KANK1: variants seen among roughly 807,000 people sequenced by gnomAD.
The protein encoded by KANK1 is KN motif and ankyrin repeat domains 1.
A neutral mutation model predicts 106.2 loss-of-function variants in KANK1; 109 were observed. That is an observed-to-expected ratio of 1.03 (90% CI 0.88 to 1.20). The LOEUF (loss-of-function observed/expected upper bound fraction) is 1.20, where lower values mean the gene tolerates loss of function less well. KANK1 is among the 50% of genes most tolerant of loss of function. KANK1 has a pLI of 0.00. For missense variants in KANK1, 2,399 were observed against 1,710.7 expected (o/e 1.40, Z -7.10); for synonymous variants, 873 against 652.2 (o/e 1.34, Z -5.16).
chr9:532,747 T>C (rs1055761109), intron 1 of KANK1, among the ~76,000 whole-genome samples: 7 of 152,144 alleles, frequency 4.6e-5, no homozygotes, highest in Non-Finnish European at 8.8e-5. Context: ...ATCTTGGAAG[T>C]GCGTAAAACT....
rs760539557 is a variant in KANK1 at position 711,076 on chromosome 9, C to G, written c.310C>G (p.Pro104Ala). Residue 104 changes from proline (P) to alanine (A), a missense_variant, in exon 3 of 12, where the codon CCC becomes GCC. Physicochemically the swap from Pro to Ala is conservative, Grantham distance 27. Transcript: ENST00000382297. ...SSNSDDNKQC[P>A]NFLIARSQVT... is the part of the protein sequence containing the mutation. ...CAACAGTGATGACAACAAGCAGTGC[C>G]CCAACTTCCTCATAGCCAGAAGTCA... The G allele has an allele frequency of 2.0e-5, 33 of 1,614,034 alleles. 1 individual carries two copies. In the South Asian group the frequency reaches 3.4e-4, roughly 17 times the overall value.
chr9:540,834 A>G (rs911506183), intron 1 of KANK1, among the ~76,000 whole-genome samples: 53 of 152,162 alleles, frequency 3.5e-4, no homozygotes, highest in African/African-American at 1.2e-3. Context: ...TATCTTATAT[A>G]ATCCTTTGTA....
At chr9:631,188 A>G (rs1393781066) in intron 1 of KANK1, among the ~76,000 whole-genome samples, 1 of 152,116 alleles carries the variant, frequency 6.6e-6, no homozygotes, top group Non-Finnish European at 1.5e-5. Context: ...AAAGGGCATG[A>G]GTTTATAAGT....
intron 1 of KANK1, among the ~76,000 whole-genome samples, chr9:666,901 C>CTTTTTTTTTTTT (rs35149316): frequency 2.6e-4 from 14 of 53,492 alleles, no homozygotes; most frequent in East Asian, 5.8e-4. Context: ...CTATTGTTGT[C>CTTTTTTTTTTTT]TTTTTTTTTT....
chr9:610,932 T>C (rs1384915931), intron 1 of KANK1, among the ~76,000 whole-genome samples: 3 of 152,180 alleles, frequency 2.0e-5, no homozygotes, highest in African/African-American at 7.2e-5. Context: ...CCCAGTCCCG[T>C]AGAAGAAGAA....
At chr9:523,596 C>G (rs1189115172) in intron 1 of KANK1, among the ~76,000 whole-genome samples, 1 of 151,736 alleles carries the variant, frequency 6.6e-6, no homozygotes, top group Non-Finnish European at 1.5e-5. Flanking sequence ...CCTTGTTATT[C>G]TGTAGCCTCT....
At position 725,462 on chromosome 9, in the gene KANK1, A is replaced by G. The variant is rs570935672; in HGVS notation, c.2699-4589A>G. Among the ~76,000 whole-genome samples the G allele has an allele frequency of 2.1e-5, 3 of 145,390 alleles. No individual in the cohort carries two copies. The East Asian group carries it at 6.1e-4, about 30-fold the overall frequency. ...GAACTGAGATCACGCCACAGCCCTC[A>G]CTCCAGCCTGGGTGACAGAGCAAGA... On this transcript the variant is annotated intron_variant, in intron 3 of 11. Transcript: ENST00000382297.
In KANK1 at chr9:643,849, C is replaced by A. The variant is rs917981092; in HGVS notation, c.-83-33041C>A. 2.0e-5 allele frequency among the ~76,000 whole-genome samples: 3 copies of A among 150,212 alleles called. 1 individual carries two copies. Among genetic ancestry groups the A allele is most frequent in the African/African-American group, 7.5e-5 (3 of 39,766 alleles). ...TCCTGAGTAGCTGGGATTACAGGTG[C>A]CTGCTACTGTGCCCGGCTAATTTTT... On this transcript the variant is annotated intron_variant, in intron 1 of 11. Transcript: ENST00000382297.
In KANK1 at chr9:745,790, A is replaced by AAT. The variant is rs1837018795; in HGVS notation, c.*560_*561dup. Reference sequence around the variant, plus strand: ...CATTTGGTCTTAACTAGGTAGATGTAATATATGACTTTTTATAAAAAGGGT... The same window carrying AAT: ...CATTTGGTCTTAACTAGGTAGATGTAATATATATGACTTTTTATAAAAAGGGT... On this transcript the variant is annotated 3_prime_UTR_variant, in exon 12 of 12. Transcript: ENST00000382297. 6.6e-6 allele frequency: 1 copy of AAT among 152,636 alleles called. No homozygotes were observed. The allele number at this position is 152,636 out of a possible 1,614,324, so 9.5% of individuals were successfully genotyped here.
chr9:474,161 G>A (rs2058066336), intron 3 of KANK1, among the ~76,000 whole-genome samples: 1 of 152,208 alleles, frequency 6.6e-6, no homozygotes, highest in African/African-American at 2.4e-5. Flanking sequence ...GTATGGATAG[G>A]TACCTGCCTA....
At chr9:559,152 C>G (rs1196592477) in intron 1 of KANK1, among the ~76,000 whole-genome samples, 2 of 151,870 alleles carry the variant, frequency 1.3e-5, no homozygotes, top group Non-Finnish European at 2.9e-5. Flanking sequence ...AGTGTTTTTC[C>G]CAAAGATTTG....
At position 548,401 on chromosome 9, in the gene KANK1, T is replaced by C. The variant is rs1313306109; in HGVS notation, c.-84+43647T>C. On this transcript the variant is annotated intron_variant, in intron 1 of 11. Transcript: ENST00000382297. The stretch of plus-strand genomic sequence containing the variant: ...GGGGTTCCTGAGCTTTTTATTGTTG[T>C]ACGTGAACTTGGTACTTACTTCTTT... Among the ~76,000 whole-genome samples the C allele has an allele frequency of 3.3e-5, 5 of 152,212 alleles. No homozygotes were observed. In the East Asian group the frequency reaches 5.8e-4, roughly 18 times the overall value.
intron 1 of KANK1, among the ~76,000 whole-genome samples, chr9:618,226 C>T (rs76191291): frequency 0.035 from 5,343 of 152,114 alleles, 315 homozygotes; most frequent in East Asian, 0.24. Context: ...TATTTATTTA[C>T]GAGACAGAGT....
At chr9:614,190 C>A (rs183353797) in intron 1 of KANK1, among the ~76,000 whole-genome samples, 81 of 152,070 alleles carry the variant, frequency 5.3e-4, no homozygotes, top group Middle Eastern at 3.4e-3. Context: ...CACAAACCAG[C>A]TGTGAGATAA....
At chr9:582,069 CA>C (rs1203220754) in intron 1 of KANK1, among the ~76,000 whole-genome samples, 1 of 152,164 alleles carries the variant, frequency 6.6e-6, no homozygotes, top group African/African-American at 2.4e-5. Context: ...CCCCCTGCCC[CA>C]GAGTTGGTAA....
At chr9:479,209 T>C (rs576149112) in intron 3 of KANK1, among the ~76,000 whole-genome samples, 9 of 152,386 alleles carry the variant, frequency 5.9e-5, no homozygotes, top group Admixed American at 2.0e-4. Context: ...TGTGTGTTCT[T>C]CCTGGTTACC....
intron 1 of KANK1, among the ~76,000 whole-genome samples, chr9:518,723 G>A (rs1232734501): frequency 1.3e-5 from 2 of 151,396 alleles, no homozygotes; most frequent in Admixed American, 1.3e-4. Context: ...GTTTACTTTA[G>A]GCTAGAGGAG....
In KANK1 at chr9:630,405, G is replaced by T. The variant is rs149444222; in HGVS notation, c.-83-46485G>T. Among the ~76,000 whole-genome samples, 1,506 of 151,860 alleles carry T rather than the reference G, an allele frequency of 9.9e-3. 32 individuals carry two copies. The highest frequency in any genetic ancestry group is 0.034 in the African/African-American group (1,416 of 41,374). On this transcript the variant is annotated intron_variant, in intron 1 of 11. Coordinates refer to ENST00000382297, the MANE Select transcript of KANK1 (RefSeq NM_015158.5). ...CTCTACTAAAAGTTCAAAAAAATTA[G>T]CCAGGCATGGTGGCGGGCGCCTGTA...
chr9:505,277 C>T (rs942986196), intron 1 of KANK1, among the ~76,000 whole-genome samples: 4 of 152,240 alleles, frequency 2.6e-5, no homozygotes, highest in South Asian at 2.1e-4. Flanking sequence ...TCCTCGGCCC[C>T]AGAGGGGCAG....
Sources: allele counts gnomAD v4.1 joint callset (sites outside exome capture counted in the v4.1 genomes callset), GRCh38; gene constraint gnomAD v4.1.1; transcripts MANE v1.5; gene names NCBI Gene and HGNC (gene_info 2026-07-23, HGNC 2026-07-21).